Variants in DNAH5 observed in about 807,000 individuals in gnomAD.
The protein encoded by DNAH5 is axonemal beta dynein heavy chain 5.
DNAH5 carries 372 observed loss-of-function variants against 518.2 expected under a neutral mutation model. That is an observed-to-expected ratio of 0.72 (90% CI 0.66 to 0.78). The LOEUF is 0.78. Ranked by LOEUF, DNAH5 falls within the 30% of genes least tolerant of loss-of-function variation. The pLI is 0.00. For missense variants in DNAH5, 5,523 were observed against 5,687.0 expected (o/e 0.97, Z 0.93); for synonymous variants, 2,039 against 2,025.9 (o/e 1.01, Z -0.17).
chr5:13,969,781 G>A (rs909138837), intron 1 of DNAH5, among the ~76,000 whole-genome samples: 3 of 152,150 alleles, frequency 2.0e-5, no homozygotes, highest in Admixed American at 1.3e-4. Context: ...TGTATAATCT[G>A]TAGTTGTTGG....
At chr5:14,009,022 A>C (rs988909804) in intron 1 of DNAH5, among the ~76,000 whole-genome samples, 2 of 152,210 alleles carry the variant, frequency 1.3e-5, no homozygotes, top group Non-Finnish European at 2.9e-5. Flanking sequence ...GTAACTCAAC[A>C]TTCTGGGAAA....
intron 1 of DNAH5, among the ~76,000 whole-genome samples, chr5:13,958,990 C>T (rs1039153445): frequency 6.6e-6 from 1 of 152,094 alleles, no homozygotes; most frequent in African/African-American, 2.4e-5. Context: ...ATGGAGTCTC[C>T]ATCTGTCACC....
chr5:14,003,520 G>A (rs541571163), intron 1 of DNAH5, among the ~76,000 whole-genome samples: 2 of 152,250 alleles, frequency 1.3e-5, no homozygotes, highest in East Asian at 3.9e-4. Context: ...TCACCTCTCT[G>A]TCATACTCCA....
intron 1 of DNAH5, among the ~76,000 whole-genome samples, chr5:13,962,517 C>T (rs1781254576): frequency 6.6e-6 from 1 of 152,142 alleles, no homozygotes; most frequent in Non-Finnish European, 1.5e-5. Context: ...CAGACACTTC[C>T]TAAAAATTGT....
chr5:13,745,577 G>A (rs981356651), intron 65 of DNAH5, among the ~76,000 whole-genome samples: 3 of 152,000 alleles, frequency 2.0e-5, no homozygotes, highest in Non-Finnish European at 2.9e-5. Flanking sequence ...GTATCCCTAG[G>A]ACACAGAACA....
At chr5:13,820,537 A>G (rs1762080366) in intron 40 of DNAH5, 38 bp from the exon 41 acceptor site, 1 of 1,611,028 alleles carries the variant, frequency 6.2e-7, no homozygotes, top group Non-Finnish European at 8.5e-7. Context: ...GAAACACAAC[A>G]ATGATGGCCG....
intron 1 of DNAH5, among the ~76,000 whole-genome samples, chr5:13,951,180 T>C (rs1780364319): frequency 7.1e-6 from 1 of 140,112 alleles, no homozygotes; most frequent in South Asian, 2.3e-4. Flanking sequence ...ATATACTCTG[T>C]CTCTTTTGTT....
intron 3 of DNAH5, among the ~76,000 whole-genome samples, chr5:13,926,211 G>C (rs1777851706): frequency 6.6e-6 from 1 of 152,194 alleles, no homozygotes; most frequent in African/African-American, 2.4e-5. Flanking sequence ...GGGAGGATGG[G>C]ACAGAGTGAG....
At chr5:13,816,547 G>C (rs1319289319) in intron 42 of DNAH5, among the ~76,000 whole-genome samples, 1 of 135,074 alleles carries the variant, frequency 7.4e-6, no homozygotes, top group African/African-American at 2.8e-5. Context: ...TTTTAATGTG[G>C]AAAGGGGAAA....
intron 1 of DNAH5, among the ~76,000 whole-genome samples, chr5:13,970,999 C>T (rs917478977): frequency 1.3e-5 from 2 of 151,722 alleles, no homozygotes; most frequent in Non-Finnish European, 1.5e-5. Flanking sequence ...TTTTCTTTGT[C>T]TTTGTCTGAC....
At chr5:13,997,958 C>T (rs1198428850) in intron 1 of DNAH5, among the ~76,000 whole-genome samples, 2 of 151,950 alleles carry the variant, frequency 1.3e-5, no homozygotes, top group Non-Finnish European at 2.9e-5. Flanking sequence ...ATTCTCCTGC[C>T]TCAGCCTCCC....
chr5:13,843,504 C>T (rs1262210697), intron 32 of DNAH5, among the ~76,000 whole-genome samples: 1 of 152,154 alleles, frequency 6.6e-6, no homozygotes, highest in Non-Finnish European at 1.5e-5. Context: ...GTGAATGTGA[C>T]ATTATTTGGG....
At chr5:13,917,940 T>A (rs1010401086) in intron 7 of DNAH5, among the ~76,000 whole-genome samples, 1 of 152,174 alleles carries the variant, frequency 6.6e-6, no homozygotes, top group African/African-American at 2.4e-5. Flanking sequence ...CCCATGCAAA[T>A]AGTTAACAAA....
At chr5:13,792,281 G>T in intron 49 of DNAH5, 64 bp from the exon 50 acceptor site, 1 of 1,407,378 alleles carries the variant, frequency 7.1e-7, no homozygotes, top group Non-Finnish European at 1.0e-6. Context: ...AAAATGAAAA[G>T]CATTATAGCA....
intron 75 of DNAH5, among the ~76,000 whole-genome samples, chr5:13,713,258 GACATATATATACCGACATATATATACCA>G (rs1743778173): frequency 1.5e-5 from 2 of 131,330 alleles, no homozygotes; most frequent in African/African-American, 2.9e-5. Context: ...TATATATACC[GACATATATATACCGACATATATATACCA>G]ACATATATAT....
chr5:13,938,105 C>T (rs923794620), intron 1 of DNAH5, among the ~76,000 whole-genome samples: 1 of 152,066 alleles, frequency 6.6e-6, no homozygotes, highest in African/African-American at 2.4e-5. Context: ...AAATCCATAC[C>T]ACCTGGGATA....
chr5:13,838,743 A>T (rs1764750962), intron 35 of DNAH5, among the ~76,000 whole-genome samples: 1 of 151,612 alleles, frequency 6.6e-6, no homozygotes, highest in African/African-American at 2.4e-5. Context: ...ACCATCACCC[A>T]CCCCCTGGTC....
chr5:13,745,450 T>C lies in DNAH5; in HGVS notation c.11211+5628A>G, dbSNP rs554874159. The stretch of plus-strand genomic sequence containing the variant: ...TAAAATTCATGCTTCCTTGCATCCA[T>C]ACGCTCTAAGGTTTACACGTGTTTC... On this transcript the variant is annotated intron_variant, in intron 65 of 78. Transcript: ENST00000265104. 6.8e-4 allele frequency among the ~76,000 whole-genome samples: 104 copies of C among 152,230 alleles called. 1 individual carries two copies. The highest frequency in any genetic ancestry group is 1.3e-3 in the Non-Finnish European group (86 of 67,982).
chr5:13,907,302 G>A (rs573110728), intron 12 of DNAH5, among the ~76,000 whole-genome samples: 7 of 152,074 alleles, frequency 4.6e-5, no homozygotes, highest in African/African-American at 1.7e-4. Flanking sequence ...GTGGTGGAGC[G>A]TGCCTGTAAT....
Sources: gnomAD v4.1 joint callset for allele counts (sites outside exome capture counted in the v4.1 genomes callset) on GRCh38, gnomAD v4.1.1 for gene constraint, MANE v1.5 for transcripts, NCBI Gene and HGNC (gene_info 2026-07-23, HGNC 2026-07-21) for gene names.